CCDC3: variants seen among roughly 807,000 people sequenced by gnomAD.
The protein encoded by CCDC3 is coiled-coil domain-containing protein 3.
In CCDC3, 24 loss-of-function variants were observed where a neutral mutation model predicts 21.4. The ratio of observed to expected loss-of-function variants is 1.12; its 90% CI spans 0.81 to 1.58. CCDC3 has a LOEUF of 1.58. Ranked by LOEUF, CCDC3 falls within the 40% of genes most tolerant of loss-of-function variation. CCDC3 has a pLI of 0.00. For synonymous variants in CCDC3, 186 were observed against 166.0 expected (o/e 1.12, Z -0.93); for missense variants, 425 against 360.9 (o/e 1.18, Z -1.44).
At position 13,083,563 on chromosome 10, in the gene CCDC3, C is replaced by T. The variant is rs527842234; in HGVS notation, c.-502-9463G>A. On this transcript the variant is annotated intron_variant, in intron 3 of 6. Coordinates refer to the CCDC3 transcript ENST00000378839. ...TAAATGTGCTCACAGGCACATAGTA[C>T]ATTCTATGTCCTTGTACTTTAACCA... Among the ~76,000 whole-genome samples, 6 of 152,356 alleles carry T rather than the reference C, an allele frequency of 3.9e-5. 2 individuals are homozygous for T. Among genetic ancestry groups the T allele is most frequent in the African/African-American group, 1.4e-4 (6 of 41,584 alleles).
At chr10:13,018,093 GAA>G (rs34776135) in intron 5 of CCDC3, among the ~76,000 whole-genome samples, 15 of 149,838 alleles carry the variant, frequency 1.0e-4, no homozygotes, top group African/African-American at 3.2e-4. Context: ...GGAATGAAAT[GAA>G]AAAAAAAAAT....
intron 2 of CCDC3, among the ~76,000 whole-genome samples, chr10:12,927,312 T>C: frequency 6.6e-6 from 1 of 152,220 alleles, no homozygotes; most frequent in Admixed American, 6.6e-5. Context: ...GTAAATACTT[T>C]AGCACACATC....
chr10:12,927,603 TG>T (rs1210946342), intron 2 of CCDC3, among the ~76,000 whole-genome samples: 1 of 152,296 alleles, frequency 6.6e-6, no homozygotes, highest in African/African-American at 2.4e-5. Flanking sequence ...ACCTTTCTTT[TG>T]ACTAAACATC....
chr10:13,085,514 T>C (rs1189755603), intron 3 of CCDC3, among the ~76,000 whole-genome samples: 1 of 152,160 alleles, frequency 6.6e-6, no homozygotes, highest in Non-Finnish European at 1.5e-5. Context: ...CGTGACCCCA[T>C]CCCCACCTCC....
intron 5 of CCDC3, among the ~76,000 whole-genome samples, chr10:13,024,401 G>T (rs539822681): frequency 6.6e-6 from 1 of 152,212 alleles, no homozygotes; most frequent in Admixed American, 6.5e-5. Context: ...GATGCTACGG[G>T]AAAATACTTT....
chr10:13,091,691 T>A (rs1211044768), intron 3 of CCDC3, among the ~76,000 whole-genome samples: 1 of 152,062 alleles, frequency 6.6e-6, no homozygotes, highest in Non-Finnish European at 1.5e-5. Flanking sequence ...TTCTCTCCCC[T>A]CCATCTGCAT....
intron 4 of CCDC3, among the ~76,000 whole-genome samples, chr10:13,052,294 GC>G (rs1309257450): frequency 2.0e-5 from 3 of 151,928 alleles, no homozygotes; most frequent in Admixed American, 2.0e-4. Flanking sequence ...GATCGCTCAA[GC>G]CCAGGAGTTT....
upstream of CCDC3, among the ~76,000 whole-genome samples, chr10:13,002,151 T>C (rs776521564): frequency 6.6e-6 from 1 of 152,156 alleles, no homozygotes; most frequent in Non-Finnish European, 1.5e-5. Flanking sequence ...TCTCTCAGAT[T>C]TGCTAGTTAT....
At chr10:13,098,646 C>G (rs1349198496) in intron 2 of CCDC3, 4 of 150,722 alleles carry the variant, frequency 2.7e-5, no homozygotes, top group African/African-American at 9.8e-5. Context: ...GATCGTCATT[C>G]CATTTCTCTC....
At chr10:12,990,612 A>C (rs916872384) in intron 2 of CCDC3, among the ~76,000 whole-genome samples, 20 of 152,208 alleles carry the variant, frequency 1.3e-4, no homozygotes, top group African/African-American at 4.3e-4. Context: ...TCTCAAGCAA[A>C]AATTAGAATT....
intron 2 of CCDC3, among the ~76,000 whole-genome samples, chr10:12,974,609 C>T (rs1835388880): frequency 6.6e-6 from 1 of 152,202 alleles, no homozygotes; most frequent in African/African-American, 2.4e-5. Flanking sequence ...GTGTGGAGCA[C>T]AGGACTGACT....
intron 5 of CCDC3, among the ~76,000 whole-genome samples, chr10:13,047,264 C>G (rs745376709): frequency 6.6e-6 from 1 of 152,136 alleles, no homozygotes; most frequent in South Asian, 2.1e-4. Flanking sequence ...TGGGCATACC[C>G]AAATTTGAAG....
chr10:13,083,885 A>G (rs942954101), intron 3 of CCDC3, among the ~76,000 whole-genome samples: 5 of 152,364 alleles, frequency 3.3e-5, no homozygotes, highest in South Asian at 4.1e-4. Context: ...CCATTTTTCC[A>G]TCTGCGAGGA....
intron 4 of CCDC3, among the ~76,000 whole-genome samples, chr10:13,071,577 T>C (rs186658284): frequency 3.8e-4 from 58 of 152,270 alleles, no homozygotes; most frequent in African/African-American, 1.3e-3. Context: ...GATATTCCCA[T>C]CCCTTAGGCC....
At chr10:13,002,274 G>A (rs548901120), upstream of CCDC3, among the ~76,000 whole-genome samples, 8 of 152,300 alleles carry the variant, frequency 5.3e-5, no homozygotes, top group African/African-American at 1.7e-4. Context: ...CTGTACACCT[G>A]AGAAATACAT....
At chr10:12,913,844 A>C (rs1392288363) in intron 2 of CCDC3, among the ~76,000 whole-genome samples, 4 of 152,196 alleles carry the variant, frequency 2.6e-5, no homozygotes, top group Admixed American at 2.6e-4. Flanking sequence ...AAATAATCAT[A>C]AGGTTTTTGT....
intron 2 of CCDC3, among the ~76,000 whole-genome samples, chr10:12,974,702 C>T (rs886220941): frequency 6.6e-6 from 1 of 152,190 alleles, no homozygotes; most frequent in Non-Finnish European, 1.5e-5. Context: ...CCTCCCCGGC[C>T]AACATGACAC....
chr10:12,944,433 T>C (rs1229090128), intron 2 of CCDC3, among the ~76,000 whole-genome samples: 2 of 152,228 alleles, frequency 1.3e-5, no homozygotes, highest in African/African-American at 2.4e-5. Context: ...CAGGAAATGT[T>C]TGAATCTGCC....
intron 2 of CCDC3, among the ~76,000 whole-genome samples, chr10:12,976,396 C>G (rs1013212871): frequency 2.6e-5 from 4 of 152,196 alleles, no homozygotes; most frequent in Admixed American, 2.6e-4. Context: ...TCCCTAATTT[C>G]CAACAGCATC....
Sources: gnomAD v4.1 joint callset for allele counts (sites outside exome capture counted in the v4.1 genomes callset) on GRCh38, gnomAD v4.1.1 for gene constraint, MANE v1.5 for transcripts, NCBI Gene and HGNC (gene_info 2026-07-23, HGNC 2026-07-21) for gene names.